STK32B: variants seen among roughly 807,000 people sequenced by gnomAD.
STK32B encodes serine/threonine kinase 32B.
STK32B carries 43 observed loss-of-function variants against 52.6 expected under a neutral mutation model. That is an observed-to-expected ratio of 0.82 (90% CI 0.64 to 1.05). The LOEUF is 1.05. Ranked by LOEUF, STK32B falls within the 50% of genes least tolerant of loss-of-function variation. STK32B has a pLI of 0.00. For missense variants in STK32B, 621 were observed against 534.6 expected (o/e 1.16, Z -1.59); for synonymous variants, 238 against 204.3 (o/e 1.17, Z -1.41).
chr4:5,374,433 G>A (rs979262271), intron 4 of STK32B, among the ~76,000 whole-genome samples: 1 of 152,142 alleles, frequency 6.6e-6, no homozygotes, highest in African/African-American at 2.4e-5. Flanking sequence ...TAAATATAAG[G>A]ACTAATAATA....
chr4:5,269,480 GTGTT>G (rs1727279703), intron 3 of STK32B, among the ~76,000 whole-genome samples: 2 of 152,186 alleles, frequency 1.3e-5, no homozygotes, highest in Admixed American at 6.5e-5. Flanking sequence ...AATATATACA[GTGTT>G]TGGCATGCAT....
chr4:5,020,401 C>T, the STK32B span, among the ~76,000 whole-genome samples: 1 of 152,210 alleles, frequency 6.6e-6, no homozygotes, highest in Non-Finnish European at 1.5e-5. Flanking sequence ...TATAGCATGA[C>T]TGAGCAAGCC....
At chr4:5,174,524 T>C (rs923489049) in intron 3 of STK32B, among the ~76,000 whole-genome samples, 2 of 152,214 alleles carry the variant, frequency 1.3e-5, no homozygotes, top group Admixed American at 6.5e-5. Context: ...CAGCATTTGT[T>C]TGTCTGTGAA....
intron 9 of STK32B, among the ~76,000 whole-genome samples, chr4:5,465,792 C>A (rs530000824): frequency 6.6e-6 from 1 of 152,184 alleles, no homozygotes; most frequent in Admixed American, 6.5e-5. Context: ...TCGCCTCTCT[C>A]CTTCTTGGCC....
At chr4:5,393,475 G>C (rs555222516) in intron 4 of STK32B, among the ~76,000 whole-genome samples, 8 of 152,172 alleles carry the variant, frequency 5.3e-5, no homozygotes, top group Non-Finnish European at 1.0e-4. Flanking sequence ...ATTGACTCAT[G>C]GTTCTGAAGG....
chr4:5,070,548 C>G (rs1243119293), intron 1 of STK32B, among the ~76,000 whole-genome samples: 1 of 152,128 alleles, frequency 6.6e-6, no homozygotes, highest in African/African-American at 2.4e-5. Context: ...GAAGCCCAAA[C>G]TCTGATTACT....
In STK32B at chr4:5,140,057, C is replaced by A. The variant is rs1241532467; in HGVS notation, c.108+97C>A. 67 of 1,526,200 alleles carry A rather than the reference C, an allele frequency of 4.4e-5. 2 individuals carry two copies. In the South Asian group the frequency reaches 7.0e-4, roughly 16 times the overall value. 94.5% of individuals were successfully genotyped at this position (1,526,200 alleles called of 1,614,324 possible). ...TGGGCACTGGGAATGTTCTGTTTGA[C>A]AGTAAGATTTCGACTTGACAAACTT... On this transcript the variant is annotated intron_variant, in intron 2 of 11. Transcript: ENST00000282908.
chr4:5,172,518 AG>A (rs1382649449), intron 3 of STK32B, among the ~76,000 whole-genome samples: 2 of 152,068 alleles, frequency 1.3e-5, no homozygotes, highest in African/African-American at 4.8e-5. Flanking sequence ...TTTAGCATGA[AG>A]GGTTGTTGAA....
At chr4:5,033,635 G>A in the STK32B span, among the ~76,000 whole-genome samples, 1 of 152,214 alleles carries the variant, frequency 6.6e-6, no homozygotes, top group Non-Finnish European at 1.5e-5. Context: ...AGTGGGGCTT[G>A]CATGTGGCAA....
rs1231977344 is a variant in STK32B at position 5,210,142 on chromosome 4, A to G, written c.260+41692A>G. Among the ~76,000 whole-genome samples the G allele has an allele frequency of 2.6e-5, 4 of 152,286 alleles. No homozygotes were observed. In the South Asian group the frequency reaches 6.2e-4, roughly 24 times the overall value. On this transcript the variant is annotated intron_variant, in intron 3 of 11. Coordinates refer to ENST00000282908, the MANE Select transcript of STK32B (RefSeq NM_018401.3). ...CAGGAGCCATTTCCTTGAAACTAGC[A>G]TCTTGTTACAAAGGCATAATGTTGA...
At chr4:5,425,199 C>T (rs1021109314) in intron 6 of STK32B, among the ~76,000 whole-genome samples, 6 of 152,128 alleles carry the variant, frequency 3.9e-5, no homozygotes, top group African/African-American at 1.4e-4. Flanking sequence ...TGCAGCCTGC[C>T]AGGCCAAGTG....
intron 2 of STK32B, among the ~76,000 whole-genome samples, chr4:5,150,572 C>A (rs543103569): frequency 7.5e-6 from 1 of 133,046 alleles, no homozygotes; most frequent in South Asian, 2.4e-4. Context: ...GAATCTCAGT[C>A]CATTTTTTTT....
At chr4:5,189,943 G>C (rs964413332) in intron 3 of STK32B, among the ~76,000 whole-genome samples, 1 of 152,062 alleles carries the variant, frequency 6.6e-6, no homozygotes, top group East Asian at 1.9e-4. Flanking sequence ...ACCATGGCTG[G>C]CATCTAGTAG....
chr4:5,029,978 C>G, the STK32B span, among the ~76,000 whole-genome samples: 1 of 152,150 alleles, frequency 6.6e-6, no homozygotes, highest in African/African-American at 2.4e-5. Context: ...GGGGCTCTTC[C>G]CGCTTTGCTC....
intron 3 of STK32B, among the ~76,000 whole-genome samples, chr4:5,318,978 G>A (rs1436894378): frequency 6.6e-6 from 1 of 151,924 alleles, no homozygotes; most frequent in Non-Finnish European, 1.5e-5. Context: ...TTTTTTGTGT[G>A]TATTTTTAGT....
rs140779235 is a variant in STK32B at position 5,295,718 on chromosome 4, C to G, written c.261-35502C>G. Among the ~76,000 whole-genome samples, 6 of 152,102 alleles carry G rather than the reference C, an allele frequency of 3.9e-5. No homozygotes were observed. The East Asian group carries it at 1.2e-3, about 29-fold the overall frequency. On this transcript the variant is annotated intron_variant, in intron 3 of 11. Transcript: ENST00000282908. ...TATTTTGTTAATCTTTTCAAAAAAC[C>G]AGCTCCTGGATTTACTGATTTTTCG...
In STK32B at chr4:5,233,890, G is replaced by A. The variant is rs188298694; in HGVS notation, c.260+65440G>A. ...CTCCAAGAAAAAGGGTCTCTATCAG[G>A]AAGGCGGAGGAGCAATACCTGGAAA... On this transcript the variant is annotated intron_variant, in intron 3 of 11. Coordinates refer to ENST00000282908, the MANE Select transcript of STK32B (RefSeq NM_018401.3). Among the ~76,000 whole-genome samples, 128 of 152,098 alleles carry A rather than the reference G, an allele frequency of 8.4e-4. 2 individuals are homozygous for A. Among genetic ancestry groups the A allele is most frequent in the Non-Finnish European group, 7.2e-4 (49 of 68,008 alleles).
intron 6 of STK32B, among the ~76,000 whole-genome samples, chr4:5,424,125 A>G (rs1303115479): frequency 2.0e-5 from 3 of 152,072 alleles, no homozygotes. Context: ...CCAGGTATGC[A>G]CATGCTCAGG....
chr4:5,259,708 G>A (rs577541430), intron 3 of STK32B, among the ~76,000 whole-genome samples: 11 of 152,200 alleles, frequency 7.2e-5, no homozygotes, highest in African/African-American at 2.6e-4. Flanking sequence ...AGGATGCCAG[G>A]CAGAAACCAT....
Sources: gnomAD v4.1 joint callset for allele counts (sites outside exome capture counted in the v4.1 genomes callset) on GRCh38, gnomAD v4.1.1 for gene constraint, MANE v1.5 for transcripts, NCBI Gene and HGNC (gene_info 2026-07-23, HGNC 2026-07-21) for gene names.